Variants in CATSPERD observed in about 807,000 individuals in gnomAD.
The protein encoded by CATSPERD is catsper channel auxiliary subunit delta, also known as cation channel sperm-associated auxiliary subunit delta.
A neutral mutation model predicts 98.1 loss-of-function variants in CATSPERD; 86 were observed. The observed-to-expected ratio is 0.88, with a 90% CI of 0.74 to 1.05. CATSPERD has a LOEUF of 1.05. CATSPERD is among the 50% of genes least tolerant of loss of function. The pLI, the probability that CATSPERD is intolerant of heterozygous loss-of-function variation, is 0.00. For synonymous variants in CATSPERD, 394 were observed against 390.2 expected (o/e 1.01, Z -0.12); for missense variants, 995 against 1,005.7 (o/e 0.99, Z 0.14).
chr19:5,751,499 A>C (rs1253031528), intron 11 of CATSPERD, 148 bp from the exon 12 acceptor site: 1 of 508,698 alleles, frequency 2.0e-6, no homozygotes, highest in African/African-American at 2.2e-5. Flanking sequence ...GCGCCACTGC[A>C]CTCCAGCCTG....
At chr19:5,748,025 A>G in intron 9 of CATSPERD, 135 bp from the exon 10 acceptor site, 1 of 641,414 alleles carries the variant, frequency 1.6e-6, no homozygotes, top group Non-Finnish European at 2.8e-6. Flanking sequence ...ACCTCTCAAA[A>G]GCTATAAGGA....
intron 12 of CATSPERD, among the ~76,000 whole-genome samples, chr19:5,752,469 C>T (rs937331584): frequency 4.6e-5 from 7 of 151,356 alleles, no homozygotes; most frequent in African/African-American, 1.5e-4. Context: ...ATGAGATCCT[C>T]GTTTCTAAAA....
At chr19:5,761,649 C>T (rs1019473071) in intron 15 of CATSPERD, among the ~76,000 whole-genome samples, 2 of 9,274 alleles carry the variant, frequency 2.2e-4, no homozygotes, top group South Asian at 3.1e-3. Context: ...CTTCTCATGG[C>T]GGCAGAAGAG....
chr19:5,740,257 G>A (rs1215403677), intron 7 of CATSPERD, among the ~76,000 whole-genome samples: 1 of 150,704 alleles, frequency 6.6e-6, no homozygotes, highest in Non-Finnish European at 1.5e-5. Flanking sequence ...CTCCAGCCTG[G>A]GCAACAAGAG....
intron 14 of CATSPERD, 39 bp downstream of exon 14, chr19:5,757,971 T>G: frequency 6.6e-7 from 1 of 1,525,328 alleles, no homozygotes; most frequent in Middle Eastern, 1.7e-4. Flanking sequence ...GCCTGTCCCT[T>G]GAGAGGCCCC....
chr19:5,732,404 T>C (rs1451731602), intron 4 of CATSPERD, among the ~76,000 whole-genome samples: 1 of 152,082 alleles, frequency 6.6e-6, no homozygotes, highest in African/African-American at 2.4e-5. Flanking sequence ...CAACCAACTA[T>C]TGCTGGCATA....
intron 11 of CATSPERD, among the ~76,000 whole-genome samples, chr19:5,750,175 G>A (rs531779491): frequency 1.5e-4 from 23 of 149,870 alleles, no homozygotes; most frequent in East Asian, 1.0e-3. Flanking sequence ...TTGGCCGGGC[G>A]TGGTGGCTCA....
In CATSPERD at chr19:5,725,611, C is replaced by G. The variant is rs547984036; in HGVS notation, c.126+749C>G. On this transcript the variant is annotated intron_variant, in intron 2 of 21. Transcript: ENST00000381624. ...AATTCGTTTCCTATTGACAAAATTG[C>G]ATAATTTTGGCCAGGTGAGGTGGCT... Among the ~76,000 whole-genome samples the G allele has an allele frequency of 2.6e-5, 4 of 151,816 alleles. No individual in the cohort carries two copies. The East Asian group carries it at 7.8e-4, about 30-fold the overall frequency.
chr19:5,751,303 T>C (rs969310475), intron 11 of CATSPERD, among the ~76,000 whole-genome samples: 1 of 141,380 alleles, frequency 7.1e-6, no homozygotes, highest in African/African-American at 2.6e-5. Context: ...GGCGGGCGGA[T>C]CACGAGGTCA....
At chr19:5,721,573 C>T (rs2055478873) in intron 1 of CATSPERD, among the ~76,000 whole-genome samples, 1 of 152,248 alleles carries the variant, frequency 6.6e-6, no homozygotes, top group Non-Finnish European at 1.5e-5. Flanking sequence ...CTGTCACATT[C>T]AGTAGGGACC....
rs764699268 is a variant in CATSPERD, at chr19:5,724,829, A to G, written c.93A>G (p.Gly31=). 4.3e-6 allele frequency: 7 copies of G among 1,613,930 alleles called. No individual in the cohort carries two copies. In the Admixed American group the frequency reaches 1.2e-4, roughly 27 times the overall value. The stretch of plus-strand genomic sequence containing the variant: ...CTAGTTCTCGCACAGTGAGGACAGG[A>G]AAAGTGTTTAATCTGATACAGGACG... The part of the protein sequence containing the change: ...QLCRSRTVRT[G]KVFNLIQDVQ... The change falls in exon 2 of 22, where the codon GGA becomes GGG. Residue 31 remains glycine, a synonymous_variant. Transcript: ENST00000381624.
At chr19:5,761,852 A>G (rs1411774411) in intron 15 of CATSPERD, among the ~76,000 whole-genome samples, 1 of 151,148 alleles carries the variant, frequency 6.6e-6, no homozygotes, top group African/African-American at 2.4e-5. Context: ...ATAGTTCCCG[A>G]GTAGCTGGGA....
chr19:5,748,401 C>T (rs1215723150), intron 10 of CATSPERD, 146 bp downstream of exon 10: 23 of 666,430 alleles, frequency 3.5e-5, no homozygotes, highest in African/African-American at 3.4e-4. Context: ...GAGGCCGAGG[C>T]GGGTGGATCA....
rs1452713686 is a variant in CATSPERD, at chr19:5,778,363, C to A, written c.2097-13C>A. ...AATGCCCAACAGCCTCTCCCCGCCT[C>A]CCCCCACCGCAGCTACTGTCAACTG... On this transcript the variant is annotated splice_polypyrimidine_tract_variant and intron_variant, in intron 21 of 21. Transcript: ENST00000381624. 6.3e-7 allele frequency: 1 copy of A among 1,589,204 alleles called. No homozygotes were observed. Among genetic ancestry groups the A allele is most frequent in the South Asian group, 1.1e-5 (1 of 87,630 alleles).
chr19:5,754,393 CTTTTTTT>C (rs749080620), intron 13 of CATSPERD, 148 bp downstream of exon 13: 42 of 229,672 alleles, frequency 1.8e-4, no homozygotes, highest in East Asian at 5.1e-4. Context: ...GTCTCTGTGT[CTTTTTTT>C]TTTTTTTTTT....
At chr19:5,748,652 CTG>C (rs1255353972) in intron 10 of CATSPERD, among the ~76,000 whole-genome samples, 1 of 142,802 alleles carries the variant, frequency 7.0e-6, no homozygotes, top group African/African-American at 2.6e-5. Context: ...AGCTTCAACT[CTG>C]TATTTTTTTC....
Position 5,723,203 on chromosome 19 carries a change from AAAAG to A in CATSPERD, c.72-1601_72-1598del, listed in dbSNP as rs572937302. Among the ~76,000 whole-genome samples, 6 of 150,884 alleles carry A rather than the reference AAAAG, an allele frequency of 4.0e-5. No individual in the cohort carries two copies. In the South Asian group the frequency reaches 1.3e-3, roughly 32 times the overall value. Reference sequence around the variant, plus strand: ...TTCTGTCTCAAAAAAAAAAAAAAGAAAAAGAAAAAGAAAAAAGAAATTTTCAGAA... The same window carrying A: ...TTCTGTCTCAAAAAAAAAAAAAAGAAAAAAAGAAAAAAGAAATTTTCAGAA... On this transcript the variant is annotated intron_variant, in intron 1 of 21. Coordinates refer to ENST00000381624, the MANE Select transcript of CATSPERD (RefSeq NM_152784.4).
In CATSPERD at chr19:5,768,253, G is replaced by A. The variant is rs373076160; in HGVS notation, c.1634+11G>A. Reference sequence around the variant, plus strand: ...CTTCATCATCGAGAAGTAAGCCAGCGTCCCCCCGCAACACCTGACACCCAA... The same window carrying A: ...CTTCATCATCGAGAAGTAAGCCAGCATCCCCCCGCAACACCTGACACCCAA... On this transcript the variant is annotated intron_variant, in intron 18 of 21. Transcript: ENST00000381624. 1.5e-4 allele frequency: 235 copies of A among 1,610,916 alleles called. No homozygotes were observed. The African/African-American group carries it at 2.5e-3, about 17-fold the overall frequency.
intron 15 of CATSPERD, among the ~76,000 whole-genome samples, chr19:5,759,996 C>T (rs1294232349): frequency 6.7e-6 from 1 of 149,092 alleles, no homozygotes; most frequent in Non-Finnish European, 1.5e-5. Context: ...ATTGCTTGAA[C>T]CCAGGAGGTG....
Sources: gnomAD v4.1 joint callset for allele counts (sites outside exome capture counted in the v4.1 genomes callset) on GRCh38, gnomAD v4.1.1 for gene constraint, MANE v1.5 for transcripts, NCBI Gene and HGNC (gene_info 2026-07-23, HGNC 2026-07-21) for gene names.